Variants in TDRD3 observed in about 807,000 individuals in gnomAD.
TDRD3 encodes the protein tudor domain containing 3.
Under a neutral mutation model 86.7 loss-of-function variants are expected in TDRD3, and 45 were observed. The ratio of observed to expected loss-of-function variants is 0.52; its 90% confidence interval spans 0.41 to 0.67. TDRD3 has a LOEUF of 0.67. Among genes scored for constraint, TDRD3 ranks in the 30% least tolerant of loss-of-function variants. The pLI is 0.00. For synonymous variants in TDRD3, 298 were observed against 301.7 expected (o/e 0.99, Z 0.13); for missense variants, 814 against 889.0 (o/e 0.92, Z 1.07).
intron 5 of TDRD3, among the ~76,000 whole-genome samples, chr13:60,480,799 T>C (rs987139975): frequency 6.6e-6 from 1 of 151,838 alleles, no homozygotes; most frequent in Non-Finnish European, 1.5e-5. Flanking sequence ...GGGGGTATTA[T>C]AGCCAGCATG....
Position 60,460,531 on chromosome 13 carries a change from C to T in TDRD3, c.344C>T (p.Ser115Leu), listed in dbSNP as rs756084205. ...ACAGCAGTAGAATTTAGTTATATGT[C>T]AAAAATAAGGTGATTGGCACTTTAT... is the stretch of plus-strand genomic sequence containing the variant. ...SCTAVEFSYM[S>L]KISLNTPPGT... Residue 115 changes from serine to leucine, a missense_variant, in exon 4 of 14, where the codon TCA becomes TTA. Transcript: ENST00000377881. The T allele has an allele frequency of 6.5e-7, 1 of 1,545,034 alleles. No homozygotes were observed. The highest frequency in any genetic ancestry group is 1.3e-5 in the South Asian group (1 of 78,970).
chr13:60,488,578 G>GT (rs113010072), intron 7 of TDRD3, among the ~76,000 whole-genome samples: 232 of 150,942 alleles, frequency 1.5e-3, no homozygotes, highest in East Asian at 1.9e-3. Context: ...GGGTTTTTTT[G>GT]TTTTTTTTTA....
chr13:60,464,206 A>C (rs1335574341), intron 4 of TDRD3, among the ~76,000 whole-genome samples: 1 of 152,160 alleles, frequency 6.6e-6, no homozygotes, highest in Non-Finnish European at 1.5e-5. Context: ...TAAATTACCC[A>C]GCCTCAGGTA....
At chr13:60,463,089 C>T (rs1309673511) in intron 4 of TDRD3, among the ~76,000 whole-genome samples, 3 of 152,128 alleles carry the variant, frequency 2.0e-5, no homozygotes, top group Non-Finnish European at 4.4e-5. Flanking sequence ...CCGTCTCTCA[C>T]CATATACAAA....
intron 2 of TDRD3, among the ~76,000 whole-genome samples, chr13:60,443,253 C>G (rs1309086510): frequency 2.0e-5 from 3 of 151,954 alleles, no homozygotes; most frequent in Admixed American, 6.6e-5. Context: ...ATAGGGAAGG[C>G]TGGTGTAAGA....
intron 1 of TDRD3, among the ~76,000 whole-genome samples, chr13:60,438,998 A>T (rs888363542): frequency 1.3e-5 from 2 of 152,054 alleles, no homozygotes; most frequent in Non-Finnish European, 1.5e-5. Context: ...GTAGAGACGA[A>T]TTTTTTTCCT....
intron 8 of TDRD3, among the ~76,000 whole-genome samples, chr13:60,503,913 C>A (rs1375388343): frequency 2.0e-5 from 3 of 152,124 alleles, no homozygotes; most frequent in Admixed American, 6.6e-5. Flanking sequence ...TAATCTTAAC[C>A]AGTTTGACCA....
At chr13:60,570,749 G>A (rs1566315640) in intron 13 of TDRD3, among the ~76,000 whole-genome samples, 1 of 152,170 alleles carries the variant, frequency 6.6e-6, no homozygotes, top group African/African-American at 2.4e-5. Flanking sequence ...TAGAGAGGAG[G>A]CAGTGAACAT....
intron 4 of TDRD3, among the ~76,000 whole-genome samples, chr13:60,466,569 C>T (rs1007930994): frequency 1.3e-5 from 2 of 151,980 alleles, no homozygotes; most frequent in African/African-American, 2.4e-5. Flanking sequence ...AGGTGGATCA[C>T]CTGAGGTCAT....
chr13:60,402,556 A>G (rs1594889738), intron 1 of TDRD3, among the ~76,000 whole-genome samples: 1 of 152,192 alleles, frequency 6.6e-6, no homozygotes, highest in East Asian at 1.9e-4. Context: ...TTTAATTACC[A>G]TGCTTCATGG....
At chr13:60,564,864 TAAAG>T (rs1958413511) in intron 12 of TDRD3, among the ~76,000 whole-genome samples, 1 of 152,048 alleles carries the variant, frequency 6.6e-6, no homozygotes, top group Non-Finnish European at 1.5e-5. Flanking sequence ...GTGTGTTAAA[TAAAG>T]AGGAAAGAAG....
intron 10 of TDRD3, among the ~76,000 whole-genome samples, chr13:60,520,538 G>C (rs534765582): frequency 1.3e-5 from 2 of 152,180 alleles, no homozygotes; most frequent in South Asian, 4.1e-4. Flanking sequence ...CTACATTGCT[G>C]TACTCCCCAC....
chr13:60,564,881 C>T (rs1345344467), intron 12 of TDRD3, among the ~76,000 whole-genome samples: 1 of 151,922 alleles, frequency 6.6e-6, no homozygotes, highest in Non-Finnish European at 1.5e-5. Flanking sequence ...GAAAGAAGTA[C>T]CCATTCTGTG....
At chr13:60,396,277 C>T (rs1342975686), upstream of TDRD3, among the ~76,000 whole-genome samples, 1 of 152,208 alleles carries the variant, frequency 6.6e-6, no homozygotes, top group African/African-American at 2.4e-5. Flanking sequence ...CCCCGCAATA[C>T]GGGACGCCGC....
intron 12 of TDRD3, among the ~76,000 whole-genome samples, chr13:60,548,100 T>A (rs1566294753): frequency 6.6e-6 from 1 of 152,222 alleles, no homozygotes; most frequent in Non-Finnish European, 1.5e-5. Flanking sequence ...GAGTTAAAAG[T>A]TCTTCAGAGG....
At chr13:60,573,110 T>G (rs1014336321) in intron 13 of TDRD3, among the ~76,000 whole-genome samples, 1 of 152,228 alleles carries the variant, frequency 6.6e-6, no homozygotes, top group South Asian at 2.1e-4. Context: ...CTCTTTCTCT[T>G]GTCACCACCC....
intron 1 of TDRD3, among the ~76,000 whole-genome samples, chr13:60,427,889 T>C (rs1954850878): frequency 6.6e-6 from 1 of 152,226 alleles, no homozygotes; most frequent in Non-Finnish European, 1.5e-5. Flanking sequence ...GTATATTTAT[T>C]TCCTGTGGCT....
chr13:60,454,412 C>T (rs1394199165), intron 3 of TDRD3, among the ~76,000 whole-genome samples: 2 of 151,880 alleles, frequency 1.3e-5, no homozygotes, highest in Non-Finnish European at 2.9e-5. Flanking sequence ...TTTAATATTT[C>T]TCAATCTTCG....
intron 11 of TDRD3, among the ~76,000 whole-genome samples, chr13:60,529,633 C>T (rs1245628489): frequency 6.6e-6 from 1 of 151,986 alleles, no homozygotes; most frequent in Non-Finnish European, 1.5e-5. Context: ...GAAAATAGTA[C>T]ACATTCAGCT....
Sources: gnomAD v4.1 joint callset for allele counts (sites outside exome capture counted in the v4.1 genomes callset) on GRCh38, gnomAD v4.1.1 for gene constraint, MANE v1.5 for transcripts, NCBI Gene and HGNC (gene_info 2026-07-23, HGNC 2026-07-21) for gene names.